Variants in AMD1 observed in about 807,000 individuals in gnomAD.
AMD1 encodes the protein S-adenosylmethionine decarboxylase proenzyme.
A neutral mutation model predicts 40.2 loss-of-function variants in AMD1; 11 were observed. The ratio of observed to expected loss-of-function variants is 0.27; its 90% CI spans 0.17 to 0.45. AMD1 has a LOEUF of 0.45. AMD1 is among the 20% of genes least tolerant of loss of function. The pLI, the probability that AMD1 is intolerant of heterozygous loss-of-function variation, is 1.00. For missense variants in AMD1, 257 were observed against 410.2 expected (o/e 0.63, Z 3.23); for synonymous variants, 121 against 130.8 (o/e 0.93, Z 0.51).
At chr6:110,845,964 G>A in the AMD1 span, among the ~76,000 whole-genome samples, 49,671 of 152,062 alleles carry the variant, frequency 0.33, 9,428 homozygotes, top group Admixed American at 0.47. Context: ...ATTTTAGGCC[G>A]GGCGTGATGG....
chr6:110,874,553 G>C (rs910442865), upstream of AMD1, among the ~76,000 whole-genome samples: 1 of 152,090 alleles, frequency 6.6e-6, no homozygotes, highest in Non-Finnish European at 1.5e-5. Flanking sequence ...CTAGTCCCCA[G>C]CTGGACATCA....
intron 1 of AMD1, among the ~76,000 whole-genome samples, chr6:110,879,372 CTGT>C (rs1170763025): frequency 7.9e-5 from 12 of 152,160 alleles, no homozygotes; most frequent in Non-Finnish European, 1.6e-4. Context: ...AATATTTCAA[CTGT>C]TGTTTACAAA....
chr6:110,879,258 G>A (rs975780339), intron 1 of AMD1, among the ~76,000 whole-genome samples: 1 of 152,186 alleles, frequency 6.6e-6, no homozygotes, highest in African/African-American at 2.4e-5. Flanking sequence ...AGCTGAGGTG[G>A]GAGGATTTTT....
At chr6:110,826,525 C>G in the AMD1 span, among the ~76,000 whole-genome samples, 1 of 152,160 alleles carries the variant, frequency 6.6e-6, no homozygotes, top group African/African-American at 2.4e-5. Flanking sequence ...CATGATCTCT[C>G]TGAAGCCCAC....
At chr6:110,830,788 C>T in the AMD1 span, among the ~76,000 whole-genome samples, 2 of 152,192 alleles carry the variant, frequency 1.3e-5, no homozygotes, top group Non-Finnish European at 2.9e-5. Context: ...GTTTGGGGCT[C>T]ATCTGCTCTG....
In AMD1 at chr6:110,893,560, G is replaced by A. The variant is rs201162494; in HGVS notation, c.949G>A (p.Asp317Asn). The change falls in exon 9 of 9, where the codon GAT becomes AAT. Residue 317 changes from aspartate to asparagine, a missense_variant. Coordinates refer to ENST00000368885, the MANE Select transcript of AMD1 (RefSeq NM_001634.6). Reference sequence around the variant, plus strand: ...TGATTGCCAGAGTGCTATGTTCAATGATTACAATTTTGTTTTTACCAGTTT... The same window carrying A: ...TGATTGCCAGAGTGCTATGTTCAATAATTACAATTTTGTTTTTACCAGTTT... Reference protein sequence around the residue: ...RLDCQSAMFNDYNFVFTSFAK... With the variant: ...RLDCQSAMFNNYNFVFTSFAK... 27 of 1,614,020 alleles carry A rather than the reference G, an allele frequency of 1.7e-5. No individual in the cohort carries two copies. The Admixed American group carries it at 2.7e-4, about 16-fold the overall frequency.
intron 1 of AMD1, 73 bp from the exon 2 acceptor site, chr6:110,887,430 AGT>A (rs1033675841): frequency 2.9e-6 from 3 of 1,043,904 alleles, no homozygotes; most frequent in African/African-American, 1.6e-5. Flanking sequence ...CATGAGAAAA[AGT>A]GTGAGCTTTG....
the AMD1 span, among the ~76,000 whole-genome samples, chr6:110,834,457 A>G: frequency 6.6e-6 from 1 of 152,198 alleles, no homozygotes; most frequent in Non-Finnish European, 1.5e-5. Flanking sequence ...AAATGTATAG[A>G]CTACAGGTAG....
At chr6:110,876,300 C>G (rs2115270083) in intron 1 of AMD1, among the ~76,000 whole-genome samples, 1 of 152,374 alleles carries the variant, frequency 6.6e-6, no homozygotes, top group East Asian at 1.9e-4. Context: ...TCCCTGGCTC[C>G]TCTGCGCACG....
upstream of AMD1, among the ~76,000 whole-genome samples, chr6:110,872,608 A>G (rs895653902): frequency 6.6e-6 from 1 of 152,230 alleles, no homozygotes; most frequent in Non-Finnish European, 1.5e-5. Flanking sequence ...CCAACTTAGT[A>G]CAAGGGATTT....
At chr6:110,889,246 C>A in intron 3 of AMD1, 2 of 232,974 alleles carry the variant, frequency 8.6e-6, no homozygotes, top group Non-Finnish European at 1.7e-5. Context: ...CTTAACATGG[C>A]TACTTATAAT....
At chr6:110,830,234 C>T in the AMD1 span, among the ~76,000 whole-genome samples, 1 of 152,042 alleles carries the variant, frequency 6.6e-6, no homozygotes, top group Non-Finnish European at 1.5e-5. Context: ...CCAGGATGGT[C>T]TTGTGGCCTG....
chr6:110,869,307 AT>A, the AMD1 span, among the ~76,000 whole-genome samples: 18 of 148,206 alleles, frequency 1.2e-4, no homozygotes, highest in Non-Finnish European at 1.8e-4. Flanking sequence ...ATTTTTTTGT[AT>A]TTTTTAGTAG....
the AMD1 span, among the ~76,000 whole-genome samples, chr6:110,857,903 T>C: frequency 2.6e-5 from 4 of 151,878 alleles, no homozygotes; most frequent in African/African-American, 7.2e-5. Flanking sequence ...AGACTGATCA[T>C]AGCTTACTAT....
chr6:110,867,904 T>C, the AMD1 span, among the ~76,000 whole-genome samples: 1 of 152,218 alleles, frequency 6.6e-6, no homozygotes, highest in Non-Finnish European at 1.5e-5. Flanking sequence ...GAAAATTACA[T>C]TGGCATATTT....
At chr6:110,837,604 G>A in the AMD1 span, among the ~76,000 whole-genome samples, 4 of 148,124 alleles carry the variant, frequency 2.7e-5, no homozygotes, top group East Asian at 2.0e-4. Flanking sequence ...CCAGCTATTC[G>A]GGAGTCTGAG....
chr6:110,880,933 A>T (rs892128031), intron 1 of AMD1, among the ~76,000 whole-genome samples: 2 of 152,200 alleles, frequency 1.3e-5, no homozygotes, highest in Non-Finnish European at 1.5e-5. Flanking sequence ...CGGGCTCCCA[A>T]AATGCATTTA....
At chr6:110,846,887 G>A in the AMD1 span, among the ~76,000 whole-genome samples, 1 of 151,642 alleles carries the variant, frequency 6.6e-6, no homozygotes. Flanking sequence ...AAAGAACAAT[G>A]CTTTATATTT....
intron 1 of AMD1, among the ~76,000 whole-genome samples, chr6:110,882,391 T>C (rs1785456395): frequency 6.6e-6 from 1 of 152,244 alleles, no homozygotes; most frequent in Non-Finnish European, 1.5e-5. Context: ...TTGCAATTAC[T>C]CAGCTCTGCC....
Sources: gnomAD v4.1 joint callset for allele counts (sites outside exome capture counted in the v4.1 genomes callset) on GRCh38, gnomAD v4.1.1 for gene constraint, MANE v1.5 for transcripts, NCBI Gene and HGNC (gene_info 2026-07-23, HGNC 2026-07-21) for gene names.